CSGALNACT1: variants seen among roughly 807,000 people sequenced by gnomAD.
CSGALNACT1 encodes the protein beta4GalNAcT-1.
A neutral mutation model predicts 51.0 loss-of-function variants in CSGALNACT1; 52 were observed. The observed-to-expected ratio is 1.02, with a 90% confidence interval of 0.82 to 1.29. CSGALNACT1 has a LOEUF of 1.29. CSGALNACT1 is among the 50% of genes most tolerant of loss of function. The pLI, the probability that CSGALNACT1 is intolerant of heterozygous loss-of-function variation, is 0.00. For synonymous variants in CSGALNACT1, 341 were observed against 254.4 expected, an observed-to-expected ratio of 1.34 and a Z score of -3.24; for missense variants, 935 against 679.2, an observed-to-expected ratio of 1.38 and a Z score of -4.19.
chr8:19,451,739 G>A (rs528755791), intron 5 of CSGALNACT1, among the ~76,000 whole-genome samples: 1 of 152,178 alleles, frequency 6.6e-6, no homozygotes, highest in Non-Finnish European at 1.5e-5. Flanking sequence ...CATATTTATT[G>A]TAAGTTGAAG....
At chr8:19,668,054 T>C (rs572943892) in intron 1 of CSGALNACT1, among the ~76,000 whole-genome samples, 1 of 152,276 alleles carries the variant, frequency 6.6e-6, no homozygotes, top group South Asian at 2.1e-4. Flanking sequence ...CCAGCATATA[T>C]TACATCCTTT....
chr8:19,560,666 A>T (rs1337210464), intron 3 of CSGALNACT1, among the ~76,000 whole-genome samples: 1 of 152,244 alleles, frequency 6.6e-6, no homozygotes, highest in Non-Finnish European at 1.5e-5. Flanking sequence ...AAAACCACAA[A>T]GAGATATGAA....
chr8:19,406,231 C>G (rs951874779), intron 9 of CSGALNACT1, among the ~76,000 whole-genome samples, 162 bp from the exon 9 acceptor site: 1 of 152,040 alleles, frequency 6.6e-6, no homozygotes, highest in Non-Finnish European at 1.5e-5. Flanking sequence ...TCAGAAGCCC[C>G]GAGAATTCCC....
intron 4 of CSGALNACT1, among the ~76,000 whole-genome samples, chr8:19,463,694 G>C (rs966446672): frequency 6.6e-6 from 1 of 152,178 alleles, no homozygotes. Context: ...GGACTTTGGA[G>C]CTAGCTTAGA....
At chr8:19,679,412 A>C (rs2060433214) in intron 1 of CSGALNACT1, among the ~76,000 whole-genome samples, 2 of 152,094 alleles carry the variant, frequency 1.3e-5, no homozygotes, top group East Asian at 1.9e-4. Flanking sequence ...AGCCATGATC[A>C]TGCCACTGTA....
chr8:19,483,771 C>T (rs2072112406), intron 4 of CSGALNACT1, among the ~76,000 whole-genome samples: 1 of 152,218 alleles, frequency 6.6e-6, no homozygotes, highest in Non-Finnish European at 1.5e-5. Context: ...ATCTTTGTTT[C>T]AACCATGTCT....
chr8:19,512,853 C>T (rs1314924936), intron 3 of CSGALNACT1, among the ~76,000 whole-genome samples: 1 of 152,136 alleles, frequency 6.6e-6, no homozygotes, highest in Non-Finnish European at 1.5e-5. Context: ...AAAGTTAAAA[C>T]AGAGGAACAC....
intron 3 of CSGALNACT1, among the ~76,000 whole-genome samples, chr8:19,581,030 G>C (rs57137037): frequency 1.3e-5 from 2 of 152,230 alleles, no homozygotes; most frequent in South Asian, 2.1e-4. Flanking sequence ...AGTAATGTAC[G>C]TGTAACTATT....
At chr8:19,552,674 G>T (rs749123257) in intron 3 of CSGALNACT1, among the ~76,000 whole-genome samples, 1 of 152,160 alleles carries the variant, frequency 6.6e-6, no homozygotes, top group African/African-American at 2.4e-5. Context: ...CTTCAATACT[G>T]AGATGAAAAT....
chr8:19,464,038 C>A (rs1012599786), intron 4 of CSGALNACT1, among the ~76,000 whole-genome samples: 2 of 152,236 alleles, frequency 1.3e-5, no homozygotes, highest in Non-Finnish European at 2.9e-5. Flanking sequence ...CCCGCCCCCA[C>A]TGACATGCGT....
At chr8:19,513,436 C>CTCTCTCTATATATATATATATA in intron 3 of CSGALNACT1, among the ~76,000 whole-genome samples, 103 of 81,900 alleles carry the variant, frequency 1.3e-3, no homozygotes, top group Non-Finnish European at 2.0e-3. Context: ...CTCTCTCTCT[C>CTCTCTCTATATATATATATATA]TATATATATA....
chr8:19,629,578 T>C (rs1007407452), intron 1 of CSGALNACT1, among the ~76,000 whole-genome samples: 2 of 152,264 alleles, frequency 1.3e-5, no homozygotes, highest in African/African-American at 4.8e-5. Context: ...ATTTCCATTA[T>C]GTTATATACA....
intron 1 of CSGALNACT1, among the ~76,000 whole-genome samples, chr8:19,724,786 T>C (rs549866081): frequency 6.6e-6 from 1 of 152,214 alleles, no homozygotes; most frequent in South Asian, 2.1e-4. Flanking sequence ...GTGGGTTTCA[T>C]GCACAGACAC....
intron 9 of CSGALNACT1, among the ~76,000 whole-genome samples, chr8:19,406,878 T>G (rs944107553): frequency 2.6e-5 from 4 of 152,046 alleles, no homozygotes; most frequent in Admixed American, 2.6e-4. Flanking sequence ...CTGGGTAACT[T>G]TTGTGTTTTT....
chr8:19,710,425 A>G (rs773968045), intron 1 of CSGALNACT1, among the ~76,000 whole-genome samples: 1 of 152,200 alleles, frequency 6.6e-6, no homozygotes. Context: ...CGCCTTAACA[A>G]CGCTATGCTT....
At chr8:19,498,901 G>A (rs1013151986) in intron 4 of CSGALNACT1, among the ~76,000 whole-genome samples, 1 of 152,182 alleles carries the variant, frequency 6.6e-6, no homozygotes, top group African/African-American at 2.4e-5. Context: ...ATCACTTGAG[G>A]CCAGGAGCTC....
chr8:19,601,436 A>G (rs2050397891), intron 2 of CSGALNACT1, among the ~76,000 whole-genome samples: 1 of 152,200 alleles, frequency 6.6e-6, no homozygotes, highest in East Asian at 1.9e-4. Context: ...AAATGTCCCT[A>G]TGTAAGCGAA....
chr8:19,457,947 G>T, intron 5 of CSGALNACT1: 1 of 552,224 alleles, frequency 1.8e-6, no homozygotes, highest in Non-Finnish European at 3.1e-6. Context: ...TGGATTCAAT[G>T]CATTGCAGCC....
intron 4 of CSGALNACT1, among the ~76,000 whole-genome samples, chr8:19,468,528 C>A (rs139280503): frequency 1.3e-5 from 2 of 151,752 alleles, no homozygotes; most frequent in African/African-American, 2.4e-5. Context: ...CAGTGTGGGG[C>A]GCAGGTGGAT....
Sources: gnomAD v4.1 joint callset for allele counts (sites outside exome capture counted in the v4.1 genomes callset) on GRCh38, gnomAD v4.1.1 for gene constraint, MANE v1.5 for transcripts, NCBI Gene and HGNC (gene_info 2026-07-23, HGNC 2026-07-21) for gene names.